Variants in ASB1 observed in about 807,000 individuals in gnomAD.
ASB1 encodes the protein ankyrin repeat and SOCS box containing 1, also known as ankyrin repeat and SOCS box protein 1.
In ASB1, 18 loss-of-function variants were observed where a neutral mutation model predicts 27.7. The ratio of observed to expected loss-of-function variants is 0.65; its 90% confidence interval spans 0.45 to 0.96. The LOEUF is 0.96. Ranked by LOEUF, ASB1 falls within the 50% of genes least tolerant of loss-of-function variation. The pLI, the probability that ASB1 is intolerant of heterozygous loss-of-function variation, is 0.00. For missense variants in ASB1, 397 were observed against 451.7 expected (o/e 0.88, Z 1.10); for synonymous variants, 189 against 187.6 (o/e 1.01, Z -0.06).
chr2:238,434,933 C>T (rs868125838), intron 2 of ASB1, among the ~76,000 whole-genome samples: 7 of 152,358 alleles, frequency 4.6e-5, no homozygotes, highest in East Asian at 1.9e-4. Context: ...AGAGCCTAGG[C>T]GCAGCTGGCG....
intron 4 of ASB1, 107 bp from the exon 5 acceptor site, chr2:238,446,277 G>C: frequency 7.7e-7 from 1 of 1,303,862 alleles, no homozygotes; most frequent in Non-Finnish European, 1.1e-6. Flanking sequence ...GAAGTTGGTA[G>C]TGAGCATTGG....
rs1054356758 is a variant in ASB1 at position 238,451,538 on chromosome 2, C to G, written c.*5027C>G. ...TGTGAGGCATGACTTGGAGGGGGGC[C>G]TGGTGCCTGGGGACCTGCTGAAGAG... On this transcript the variant is annotated 3_prime_UTR_variant, in exon 5 of 5. Transcript: ENST00000264607. The G allele has an allele frequency of 6.5e-6, 1 of 152,872 alleles. No homozygotes were observed. Among genetic ancestry groups the G allele is most frequent in the African/African-American group, 2.4e-5 (1 of 41,450 alleles). 9.5% of individuals were successfully genotyped at this position (152,872 alleles called of 1,614,324 possible).
At chr2:238,436,213 T>C (rs1701968506) in intron 3 of ASB1, among the ~76,000 whole-genome samples, 200 bp downstream of exon 3, 1 of 152,140 alleles carries the variant, frequency 6.6e-6, no homozygotes, top group Non-Finnish European at 1.5e-5. Context: ...TTTATCTTTT[T>C]CTAATTTTTA....
rs1228223623 is a variant in ASB1 at position 238,446,573 on chromosome 2, G to A, written c.*62G>A. 9.4e-6 allele frequency: 15 copies of A among 1,592,378 alleles called. No homozygotes were observed. The highest frequency in any genetic ancestry group is 2.2e-5 in the East Asian group (1 of 44,794). ...AGTGATCTGCAGGGAGGTGGACACCGAGCCCTGAGTGCTGTGCTGCTGCTG... is the reference window on the plus strand; with the variant it reads ...AGTGATCTGCAGGGAGGTGGACACCAAGCCCTGAGTGCTGTGCTGCTGCTG... On this transcript the variant is annotated 3_prime_UTR_variant, in exon 5 of 5. Transcript: ENST00000264607.
At chr2:238,445,170 G>A (rs1254206801) in intron 4 of ASB1, among the ~76,000 whole-genome samples, 2 of 151,930 alleles carry the variant, frequency 1.3e-5, no homozygotes, top group African/African-American at 4.8e-5. Context: ...GTAGAGATGA[G>A]GTTTTGCTGT....
intron 1 of ASB1, among the ~76,000 whole-genome samples, chr2:238,429,590 T>A (rs532599616): frequency 6.6e-6 from 1 of 152,240 alleles, no homozygotes; most frequent in South Asian, 2.1e-4. Context: ...AAATTTTTGG[T>A]TTCCCAGTGC....
intron 1 of ASB1, among the ~76,000 whole-genome samples, chr2:238,432,696 G>A (rs1286423147): frequency 6.6e-6 from 1 of 152,026 alleles, no homozygotes; most frequent in African/African-American, 2.4e-5. Flanking sequence ...TAAGATATTT[G>A]CTAGATTCTT....
chr2:238,435,061 G>C (rs1176160474), intron 2 of ASB1: 1 of 152,500 alleles, frequency 6.6e-6, no homozygotes, highest in Non-Finnish European at 1.5e-5. Context: ...CTGTGAACCC[G>C]TTGCGGTCGC....
chr2:238,430,307 T>C (rs1019698880), intron 1 of ASB1, among the ~76,000 whole-genome samples: 5 of 152,226 alleles, frequency 3.3e-5, no homozygotes, highest in African/African-American at 1.2e-4. Flanking sequence ...TCTAAATCCT[T>C]TGTTGTCATT....
In ASB1 at chr2:238,444,524, T is replaced by G; in HGVS notation, c.677T>G (p.Val226Gly). 1.9e-6 allele frequency: 3 copies of G among 1,614,208 alleles called. No individual in the cohort carries two copies. The highest frequency in any genetic ancestry group is 2.5e-6 in the Non-Finnish European group (3 of 1,180,040). Residue 226 changes from valine to glycine, a missense_variant, in exon 4 of 5, where the codon GTC (valine) becomes GGC (glycine). By Grantham distance (109) the Val-to-Gly change is moderately radical. Transcript: ENST00000264607. ...ANPDFNCNGP[V>G]NTQGFYRGSP... ...CCTGACTTCAACTGCAATGGTCCTG[T>G]CAACACACAGGGATTCTACAGGGGC...
rs1559418683 is a variant in ASB1, at chr2:238,451,031, GCTCCAAACCC to G, written c.*4521_*4530del. 6.6e-6 allele frequency: 1 copy of G among 151,448 alleles called. No homozygotes were observed. Among genetic ancestry groups the G allele is most frequent in the Non-Finnish European group, 1.5e-5 (1 of 67,908 alleles). The allele number at this position is 151,448 out of a possible 1,614,324, so 9.4% of individuals were successfully genotyped here. A position where few individuals can be genotyped will look rare whatever the true frequency, so the allele number is the denominator to read the frequency against. The stretch of plus-strand genomic sequence containing the variant: ...CCGAACCTCTCAGTGTGGAATGAAC[GCTCCAAACCC>G]GAACCTCTCAGTGTGGAATGAACGC... On this transcript the variant is annotated 3_prime_UTR_variant, in exon 5 of 5. Transcript: ENST00000264607.
Position 238,449,504 on chromosome 2 carries a change from A to C in ASB1, c.*2993A>C, listed in dbSNP as rs1238095961. On this transcript the variant is annotated 3_prime_UTR_variant, in exon 5 of 5. Transcript: ENST00000264607. ...GCCCTGGGCCTTGGCTGCTGTCAAC[A>C]GATGGGCTGGGCTGGGCTGTGGTGG... The C allele has an allele frequency of 6.5e-6, 1 of 152,774 alleles. No homozygotes were observed. The highest frequency in any genetic ancestry group is 1.9e-4 in the East Asian group (1 of 5,190). 9.5% of individuals were successfully genotyped at this position (152,774 alleles called of 1,614,324 possible).
chr2:238,443,524 G>A (rs1310574316), intron 3 of ASB1, among the ~76,000 whole-genome samples: 3 of 152,154 alleles, frequency 2.0e-5, no homozygotes, highest in Non-Finnish European at 4.4e-5. Context: ...TGATTGCACA[G>A]GGTACCTTTA....
chr2:238,435,701 C>T lies in ASB1; in HGVS notation c.192-10C>T, dbSNP rs1701954121. 6.2e-7 allele frequency: 1 copy of T among 1,605,962 alleles called. No individual in the cohort carries two copies. The highest frequency in any genetic ancestry group is 1.3e-5 in the African/African-American group (1 of 74,874). On this transcript the variant is annotated splice_polypyrimidine_tract_variant and intron_variant, in intron 2 of 4. Coordinates refer to ENST00000264607, the MANE Select transcript of ASB1 (RefSeq NM_001040445.3). ...TGCCTCTCATGAGCCCCCTTGTGTT[C>T]CTCCTGCAGCCGCATCAACGAGAAG...
Position 238,435,922 on chromosome 2 carries a change from G to A in ASB1, c.403G>A (p.Ala135Thr), listed in dbSNP as rs201786720. The change falls in exon 3 of 5, where the codon GCG (alanine) becomes ACG (threonine). Residue 135 changes from alanine (A) to threonine (T), a missense_variant. Transcript: ENST00000264607. Reference protein sequence around the residue: ...ESTQILLEAGADPNGSRHHRS... With the variant: ...ESTQILLEAGTDPNGSRHHRS... ...TACCCAGATCCTTCTCGAAGCTGGC[G>A]CGGACCCCAACGGAAGCCGGCACCA... 1.1e-5 allele frequency: 17 copies of A among 1,614,198 alleles called. No individual in the cohort carries two copies. The highest frequency in any genetic ancestry group is 1.7e-5 in the Admixed American group (1 of 60,030).
At position 238,440,634 on chromosome 2, in the gene ASB1, C is replaced by T. The variant is rs560245103; in HGVS notation, c.495-3708C>T. On this transcript the variant is annotated intron_variant, in intron 3 of 4. Coordinates refer to ENST00000264607, the MANE Select transcript of ASB1 (RefSeq NM_001040445.3). ...AGGACTCTGACTCTGAGCCAGGGCC[C>T]CCTCATTGACTGATCCCTGTTCAGA... 6.6e-5 allele frequency among the ~76,000 whole-genome samples: 10 copies of T among 152,306 alleles called. No homozygotes were observed. In the South Asian group the frequency reaches 2.1e-3, roughly 32 times the overall value.
chr2:238,443,426 G>C (rs1163322855), intron 3 of ASB1, among the ~76,000 whole-genome samples: 1 of 151,970 alleles, frequency 6.6e-6, no homozygotes, highest in African/African-American at 2.4e-5. Context: ...TATTATTTAG[G>C]GCTTTTCAGA....
At chr2:238,437,128 GT>G (rs1701987099) in intron 3 of ASB1, among the ~76,000 whole-genome samples, 1 of 151,872 alleles carries the variant, frequency 6.6e-6, no homozygotes. Flanking sequence ...GTTGGGGTCT[GT>G]TTCTGTTATC....
rs114103619 is a variant in ASB1 at position 238,431,189 on chromosome 2, G to A, written c.50-2365G>A. Among the ~76,000 whole-genome samples the A allele has an allele frequency of 5.9e-4, 90 of 152,280 alleles. 1 individual carries two copies. The highest frequency in any genetic ancestry group is 2.0e-3 in the African/African-American group (85 of 41,552). ...GCCACCTTCATCAATTATCTTAGCC[G>A]TGTCTTCTGGATAACTTGCTGCAGC... On this transcript the variant is annotated intron_variant, in intron 1 of 4. Transcript: ENST00000264607.
Sources: gnomAD v4.1 joint callset for allele counts (sites outside exome capture counted in the v4.1 genomes callset) on GRCh38, gnomAD v4.1.1 for gene constraint, MANE v1.5 for transcripts, NCBI Gene and HGNC (gene_info 2026-07-23, HGNC 2026-07-21) for gene names.